Variants in PLXNA1 observed in about 807,000 individuals in gnomAD.
PLXNA1 encodes plexin A1.
A neutral mutation model predicts 191.7 loss-of-function variants in PLXNA1; 77 were observed. The ratio of observed to expected loss-of-function variants is 0.40; its 90% CI spans 0.33 to 0.49. The LOEUF (loss-of-function observed/expected upper bound fraction) is 0.49. Among genes scored for constraint, PLXNA1 ranks in the 20% least tolerant of loss-of-function variants. The pLI is 0.63. For missense variants in PLXNA1, 2,110 were observed against 2,660.2 expected (o/e 0.79, Z 4.55); for synonymous variants, 1,137 against 1,156.4 (o/e 0.98, Z 0.34).
At position 127,032,394 on chromosome 3, in the gene PLXNA1, C is replaced by T. The variant is rs758590785; in HGVS notation, c.5239C>T (p.Leu1747=). Residue 1747 remains leucine (L), a synonymous_variant, in exon 30 of 32, where the codon CTG becomes TTG. Transcript: ENST00000393409. ...RHTWKSNCLP[L]RFWVNVIKNP... ...CTGGACTCTCGCCTGCAGCCTGCCC[C>T]TGCGCTTCTGGGTGAACGTGATCAA... 31 of 1,613,666 alleles carry T rather than the reference C, an allele frequency of 1.9e-5. No individual in the cohort carries two copies. Among genetic ancestry groups the T allele is most frequent in the Non-Finnish European group, 2.5e-5 (30 of 1,179,962 alleles).
At chr3:127,015,823 GACC>G (rs1376753749) in intron 15 of PLXNA1, among the ~76,000 whole-genome samples, 2 of 152,054 alleles carry the variant, frequency 1.3e-5, no homozygotes, top group Non-Finnish European at 2.9e-5. Flanking sequence ...TGAGGGTCCG[GACC>G]CAGGTGTGGG....
At chr3:127,030,106 A>G in intron 28 of PLXNA1, 42 bp downstream of exon 28, 4 of 1,601,730 alleles carry the variant, frequency 2.5e-6, no homozygotes, top group Non-Finnish European at 3.4e-6. Context: ...CGCTGGGCCA[A>G]CTGAGCTCAG....
chr3:126,989,769 G>T lies in PLXNA1; in HGVS notation c.1176G>T (p.Glu392Asp). 1 of 1,608,686 alleles carries T rather than the reference G, an allele frequency of 6.2e-7. No individual in the cohort carries two copies. The highest frequency in any genetic ancestry group is 1.1e-5 in the South Asian group (1 of 90,640). The change falls in exon 2 of 32, where the codon GAG becomes GAT. Residue 392 changes from glutamate to aspartate, a missense_variant. Coordinates refer to ENST00000393409, the MANE Select transcript of PLXNA1 (RefSeq NM_032242.4). ...CCCTGCCGTGGCTGCTCAACAAGGA[G>T]CTGGGCTGCATCAACTCGGTGAGTT... Reference protein sequence around the residue: ...KLSLPWLLNKELGCINSPLQI... With the variant: ...KLSLPWLLNKDLGCINSPLQI...
At chr3:127,006,204 C>G in intron 8 of PLXNA1, 26 bp downstream of exon 8, 1 of 1,579,656 alleles carries the variant, frequency 6.3e-7, no homozygotes, top group Non-Finnish European at 8.7e-7. Context: ...CCCCTCCGCC[C>G]GCCTGGGCCT....
intron 3 of PLXNA1, among the ~76,000 whole-genome samples, chr3:127,002,335 TC>T (rs2079045095): frequency 6.6e-6 from 1 of 152,178 alleles, no homozygotes. Context: ...GCCCTCCCCC[TC>T]TCCCAGCCGA....
intron 3 of PLXNA1, among the ~76,000 whole-genome samples, chr3:126,999,279 G>A (rs2079028350): frequency 6.6e-6 from 1 of 152,210 alleles, no homozygotes; most frequent in South Asian, 2.1e-4. Flanking sequence ...AGGCTGAGAA[G>A]TGTGTGAGGC....
rs2079216931 is a variant in PLXNA1, at chr3:127,032,589, T to C, written c.5434T>C (p.Trp1812Arg). Residue 1812 changes from tryptophan to arginine, a missense_variant, in exon 30 of 32, where the codon TGG (tryptophan) becomes CGG (arginine). Coordinates refer to ENST00000393409, the MANE Select transcript of PLXNA1 (RefSeq NM_032242.4). The stretch of plus-strand genomic sequence containing the variant: ...CAAGGACATCCCCAACTACAAGAGC[T>C]GGGTGGAGAGGTAGGTGGAGGGTGC... The part of the protein sequence containing the change: ...YAKDIPNYKS[W>R]VERYYADIAK... 1 of 1,613,018 alleles carries C rather than the reference T, an allele frequency of 6.2e-7. No individual in the cohort carries two copies. Among genetic ancestry groups the C allele is most frequent in the Non-Finnish European group, 8.5e-7 (1 of 1,179,764 alleles).
chr3:127,014,873 C>G, intron 14 of PLXNA1, 42 bp downstream of exon 14: 2 of 1,595,868 alleles, frequency 1.3e-6, no homozygotes, highest in Non-Finnish European at 1.7e-6. Flanking sequence ...CTCTGCTGCT[C>G]TGAGAGGGTG....
At chr3:126,997,008 AG>A (rs928623241) in intron 3 of PLXNA1, among the ~76,000 whole-genome samples, 2 of 152,104 alleles carry the variant, frequency 1.3e-5, no homozygotes, top group African/African-American at 4.8e-5. Context: ...TTCCCTTCCC[AG>A]GGTGACCGCC....
chr3:127,028,368 G>A (rs1428842957), intron 25 of PLXNA1, 28 bp downstream of exon 25: 3 of 1,598,076 alleles, frequency 1.9e-6, no homozygotes, highest in Non-Finnish European at 2.6e-6. Flanking sequence ...CGGCTGCCCG[G>A]GGTGTGTGCT....
chr3:126,996,041 C>G (rs1260371802), intron 3 of PLXNA1, among the ~76,000 whole-genome samples: 8 of 152,194 alleles, frequency 5.3e-5, no homozygotes, highest in Admixed American at 5.2e-4. Flanking sequence ...TGCAGCACCT[C>G]CTGCAGCTTT....
chr3:127,019,890 G>A (rs1449582275), intron 20 of PLXNA1, among the ~76,000 whole-genome samples: 3 of 152,266 alleles, frequency 2.0e-5, no homozygotes, highest in Non-Finnish European at 4.4e-5. Flanking sequence ...GAAGGAGCCC[G>A]AACTCCAAAG....
At chr3:127,029,845 A>G (rs112797556) in intron 27 of PLXNA1, 29 bp from the exon 28 acceptor site, 180,908 of 1,565,686 alleles carry the variant, frequency 0.12, 11,256 homozygotes, top group Middle Eastern at 0.2. Flanking sequence ...GTGCCAGCCA[A>G]CGCGGGCGCT....
chr3:127,023,421 G>GA (rs1246027495), intron 23 of PLXNA1, among the ~76,000 whole-genome samples: 3 of 152,228 alleles, frequency 2.0e-5, no homozygotes, highest in Non-Finnish European at 4.4e-5. Flanking sequence ...GCTTCTCTTG[G>GA]AAATCTGAAG....
In PLXNA1 at chr3:127,034,036, CAGCATGATGCAGCGTG is replaced by C. The variant is rs1167362269; in HGVS notation, c.*22_*37del. 6.4e-7 allele frequency: 1 copy of C among 1,570,062 alleles called. No homozygotes were observed. The highest frequency in any genetic ancestry group is 1.3e-5 in the African/African-American group (1 of 74,420). ...CAGCTGAGCCCCAGCTGTGATCATC[CAGCATGATGCAGCGTG>C]AGGACAGCTGAGCAGGGACCGGGAC... On this transcript the variant is annotated 3_prime_UTR_variant, in exon 32 of 32. Transcript: ENST00000393409.
intron 3 of PLXNA1, among the ~76,000 whole-genome samples, chr3:127,000,787 G>C (rs1325543826): frequency 6.6e-6 from 1 of 152,186 alleles, no homozygotes; most frequent in East Asian, 1.9e-4. Flanking sequence ...GGTGCACAGG[G>C]GCCCTGCTGA....
rs558072263 is a variant in PLXNA1, at chr3:126,998,956, A to C, written c.1378-4374A>C. 8.3e-4 allele frequency among the ~76,000 whole-genome samples: 126 copies of C among 152,304 alleles called. 1 individual carries two copies. In the South Asian group the frequency reaches 0.011, roughly 13 times the overall value. ...AATTACCCAATTACTGCCAAGAGGA[A>C]ATTGCTAATTGCTTTTCCAGTATCA... On this transcript the variant is annotated intron_variant, in intron 3 of 31. Transcript: ENST00000393409.
intron 3 of PLXNA1, among the ~76,000 whole-genome samples, chr3:127,002,924 A>G (rs1302690136): frequency 2.0e-5 from 3 of 151,822 alleles, no homozygotes; most frequent in Non-Finnish European, 4.4e-5. Flanking sequence ...TCTGCCCCCG[A>G]CAACCAACAT....
At chr3:127,018,233 G>A (rs1329596808) in intron 19 of PLXNA1, 61 bp from the exon 20 acceptor site, 1 of 1,433,320 alleles carries the variant, frequency 7.0e-7, no homozygotes, top group Admixed American at 2.0e-5. Flanking sequence ...CCCATCGGGA[G>A]GGGCTCCCAA....
Sources: allele counts gnomAD v4.1 joint callset (sites outside exome capture counted in the v4.1 genomes callset), GRCh38; gene constraint gnomAD v4.1.1; transcripts MANE v1.5; gene names NCBI Gene and HGNC (gene_info 2026-07-23, HGNC 2026-07-21).